Variants in PCDH15 observed in about 807,000 individuals in gnomAD.
The protein encoded by PCDH15 is protocadherin related 15, also known as protocadherin-15.
In PCDH15, 129 loss-of-function variants were observed where a neutral mutation model predicts 178.5. That is an observed-to-expected ratio of 0.72 (90% CI 0.63 to 0.84). The LOEUF (loss-of-function observed/expected upper bound fraction) is 0.84. PCDH15 is among the 40% of genes least tolerant of loss of function. PCDH15 has a pLI of 0.00. For missense variants in PCDH15, 2,230 were observed against 2,099.9 expected (o/e 1.06, Z -1.21); for synonymous variants, 800 against 732.0 (o/e 1.09, Z -1.50).
At chr10:55,387,758 C>T (rs1446304468) in intron 2 of PCDH15, among the ~76,000 whole-genome samples, 1 of 151,944 alleles carries the variant, frequency 6.6e-6, no homozygotes, top group Non-Finnish European at 1.5e-5. Context: ...TTTTACAAAA[C>T]GGTTAGCAGT....
chr10:55,534,694 C>T (rs1841532060), intron 2 of PCDH15, among the ~76,000 whole-genome samples: 1 of 152,034 alleles, frequency 6.6e-6, no homozygotes, highest in Non-Finnish European at 1.5e-5. Context: ...CTGCATTAGA[C>T]CCATCAATCC....
At chr10:54,069,581 A>G (rs2094201450) in intron 17 of PCDH15, among the ~76,000 whole-genome samples, 1 of 152,204 alleles carries the variant, frequency 6.6e-6, no homozygotes, top group Admixed American at 6.5e-5. Context: ...GAAGTTTTTT[A>G]ATACCACTTG....
At chr10:55,591,454 A>T (rs1842841682) in intron 2 of PCDH15, among the ~76,000 whole-genome samples, 1 of 152,108 alleles carries the variant, frequency 6.6e-6, no homozygotes, top group Non-Finnish European at 1.5e-5. Context: ...TACATAAATA[A>T]ATAAAGTTAT....
At chr10:54,614,122 A>G (rs1386693941) in intron 2 of PCDH15, among the ~76,000 whole-genome samples, 2 of 152,014 alleles carry the variant, frequency 1.3e-5, no homozygotes, top group Non-Finnish European at 2.9e-5. Flanking sequence ...ACACCCATAT[A>G]TGCATATACA....
chr10:55,294,531 C>G lies in PCDH15; in HGVS notation c.-156+25068G>C, dbSNP rs1201185943. Among the ~76,000 whole-genome samples the G allele has an allele frequency of 2.0e-5, 3 of 152,162 alleles. No homozygotes were observed. The East Asian group carries it at 5.8e-4, about 29-fold the overall frequency. ...AATCAGGGGAAATAATTCACCATTA[C>G]TGGAAAATACTTCACTGTTCTTGAC... On this transcript the variant is annotated intron_variant, in intron 1 of 5. Coordinates refer to the PCDH15 transcript ENST00000458638.
intron 5 of PCDH15, among the ~76,000 whole-genome samples, chr10:54,364,225 A>T (rs11004256): frequency 7.0e-6 from 1 of 142,360 alleles, no homozygotes; most frequent in Admixed American, 7.0e-5. Context: ...AAAAAAAAAA[A>T]TTGACCTTGT....
chr10:54,284,152 T>C (rs2058885744), intron 8 of PCDH15, among the ~76,000 whole-genome samples: 1 of 152,154 alleles, frequency 6.6e-6, no homozygotes, highest in Non-Finnish European at 1.5e-5. Context: ...TGATTTTCAA[T>C]AAATTATATT....
intron 2 of PCDH15, among the ~76,000 whole-genome samples, chr10:54,958,478 A>G (rs143977792): frequency 2.6e-5 from 4 of 151,992 alleles, no homozygotes; most frequent in Admixed American, 1.3e-4. Flanking sequence ...AAATAATGAA[A>G]GAGAACTGTT....
At chr10:54,471,372 G>A (rs2077907282) in intron 3 of PCDH15, among the ~76,000 whole-genome samples, 2 of 151,982 alleles carry the variant, frequency 1.3e-5, no homozygotes, top group African/African-American at 4.8e-5. Context: ...ACAGTCAGCT[G>A]TATTTTTTCT....
At chr10:55,261,224 T>C (rs1205583266) in intron 1 of PCDH15, among the ~76,000 whole-genome samples, 6 of 152,224 alleles carry the variant, frequency 3.9e-5, no homozygotes, top group African/African-American at 7.2e-5. Flanking sequence ...TTGTGACATA[T>C]GAAATATAAT....
At chr10:54,954,046 A>C (rs1167838747) in intron 2 of PCDH15, among the ~76,000 whole-genome samples, 2 of 151,218 alleles carry the variant, frequency 1.3e-5, no homozygotes, top group Admixed American at 6.6e-5. Context: ...GAATCAATGG[A>C]AATCTTATCT....
At chr10:55,568,081 T>C (rs553608045) in intron 2 of PCDH15, among the ~76,000 whole-genome samples, 3 of 152,030 alleles carry the variant, frequency 2.0e-5, no homozygotes, top group Non-Finnish European at 4.4e-5. Context: ...ATGTACCCAA[T>C]AGTTTCTTAA....
intron 2 of PCDH15, among the ~76,000 whole-genome samples, chr10:54,569,413 C>G (rs1000353130): frequency 1.1e-4 from 17 of 152,014 alleles, no homozygotes; most frequent in African/African-American, 3.6e-4. Context: ...AGAGAAGTTC[C>G]CTAGAATCAA....
At chr10:54,422,846 T>G (rs1171614807) in intron 3 of PCDH15, among the ~76,000 whole-genome samples, 1 of 152,194 alleles carries the variant, frequency 6.6e-6, no homozygotes, top group Non-Finnish European at 1.5e-5. Flanking sequence ...ATTCTGAGCA[T>G]GTGCTAATAG....
chr10:53,952,905 C>A (rs558023326), intron 23 of PCDH15, among the ~76,000 whole-genome samples: 1 of 152,232 alleles, frequency 6.6e-6, no homozygotes, highest in African/African-American at 2.4e-5. Context: ...GACAGCTTTG[C>A]TCTGAAATTG....
At chr10:54,262,185 C>A (rs2057360195) in intron 8 of PCDH15, among the ~76,000 whole-genome samples, 1 of 152,096 alleles carries the variant, frequency 6.6e-6, no homozygotes, top group South Asian at 2.1e-4. Context: ...GCCCAGAAGG[C>A]TTTGTTGTGC....
chr10:55,419,241 A>G (rs1838559441), intron 2 of PCDH15, among the ~76,000 whole-genome samples: 1 of 151,728 alleles, frequency 6.6e-6, no homozygotes, highest in Admixed American at 6.6e-5. Context: ...AAGGACCAAT[A>G]ATGAAATTTG....
At chr10:54,471,484 G>A (rs2077914826) in intron 3 of PCDH15, among the ~76,000 whole-genome samples, 1 of 151,916 alleles carries the variant, frequency 6.6e-6, no homozygotes, top group African/African-American at 2.4e-5. Context: ...CTCATACAAT[G>A]TCTTATATTA....
Position 54,664,287 on chromosome 10 carries a change from T to C in PCDH15, c.-25A>G. 6.4e-7 allele frequency: 1 copy of C among 1,561,106 alleles called. No individual in the cohort carries two copies. Among genetic ancestry groups the C allele is most frequent in the Non-Finnish European group, 8.8e-7 (1 of 1,134,670 alleles). ...TCTTCTGTCAAAGTTCACTCAAAGC[T>C]GATCTGAAATAAGAAAAGGTAGAAA... On this transcript the variant is annotated 5_prime_UTR_variant, in exon 2 of 38. Coordinates refer to ENST00000644397, the MANE Select transcript of PCDH15 (RefSeq NM_001384140.1).
Sources: allele counts gnomAD v4.1 joint callset (sites outside exome capture counted in the v4.1 genomes callset), GRCh38; gene constraint gnomAD v4.1.1; transcripts MANE v1.5; gene names NCBI Gene and HGNC (gene_info 2026-07-23, HGNC 2026-07-21).